Variants in IREB2 observed in about 807,000 individuals in gnomAD.
IREB2 encodes the protein iron-responsive element-binding protein 2.
IREB2 carries 39 observed loss-of-function variants against 118.8 expected under a neutral mutation model. That is an observed-to-expected ratio of 0.33 (90% CI 0.25 to 0.43). IREB2 has a LOEUF of 0.43. IREB2 is among the 20% of genes least tolerant of loss of function. The pLI is 1.00. For synonymous variants in IREB2, 372 were observed against 392.2 expected (o/e 0.95, Z 0.61); for missense variants, 900 against 1,147.3 (o/e 0.78, Z 3.11).
chr15:78,444,391 G>A (rs1466029056), intron 2 of IREB2, among the ~76,000 whole-genome samples: 1 of 152,180 alleles, frequency 6.6e-6, no homozygotes, highest in Non-Finnish European at 1.5e-5. Flanking sequence ...TGGAGTGAAA[G>A]GTAGTTTTGA....
At chr15:78,440,845 TTCTC>T (rs1434750467) in intron 2 of IREB2, among the ~76,000 whole-genome samples, 1 of 152,214 alleles carries the variant, frequency 6.6e-6, no homozygotes, top group Non-Finnish European at 1.5e-5. Flanking sequence ...GGTCAAACCT[TTCTC>T]TGTGGTCTCA....
At chr15:78,494,373 C>A in intron 20 of IREB2, 109 bp downstream of exon 20, 1 of 1,116,348 alleles carries the variant, frequency 9.0e-7, no homozygotes, top group Non-Finnish European at 1.3e-6. Context: ...GTTATTTGAA[C>A]CTTATAGGTA....
At chr15:78,493,686 T>A (rs1292630503) in intron 18 of IREB2, among the ~76,000 whole-genome samples, 1 of 152,154 alleles carries the variant, frequency 6.6e-6, no homozygotes, top group Non-Finnish European at 1.5e-5. Context: ...GTTAAAATTA[T>A]CTCAGTTTTG....
intron 2 of IREB2, among the ~76,000 whole-genome samples, chr15:78,462,040 C>T (rs2051205927): frequency 6.6e-6 from 1 of 151,966 alleles, no homozygotes; most frequent in African/African-American, 2.4e-5. Flanking sequence ...AATTATATTT[C>T]TCATAATACA....
intron 2 of IREB2, among the ~76,000 whole-genome samples, chr15:78,449,191 G>A (rs577931585): frequency 1.3e-5 from 2 of 152,126 alleles, no homozygotes; most frequent in African/African-American, 4.8e-5. Context: ...CTGTTTCCCG[G>A]TTTAGTAATG....
rs28613880 is a variant in IREB2, at chr15:78,445,319, G to C, written c.106+5438G>C. On this transcript the variant is annotated intron_variant, in intron 2 of 21. Transcript: ENST00000258886. ...CACCCTGCTGATTTTTGTATTTTTA[G>C]TAGAGACAGGGTTTCGCCATGCTGG... 1.9e-3 allele frequency among the ~76,000 whole-genome samples: 286 copies of C among 152,138 alleles called. 2 individuals are homozygous for C. The highest frequency in any genetic ancestry group is 6.6e-3 in the African/African-American group (274 of 41,522).
At chr15:78,448,251 T>G (rs1034879383) in intron 2 of IREB2, among the ~76,000 whole-genome samples, 2 of 151,982 alleles carry the variant, frequency 1.3e-5, no homozygotes, top group African/African-American at 4.8e-5. Flanking sequence ...TTGAAGTGAT[T>G]CTCGTGCCTC....
In IREB2 at chr15:78,492,607, GGGCTGAAA is replaced by G. The variant is rs555432325; in HGVS notation, c.2325-1298_2325-1291del. ...TAGAGACAGGGTCTCACTCTTGCCT[GGGCTGAAA>G]GGCAGTGGCACTTGGCCCTCTGCTG... On this transcript the variant is annotated intron_variant, in intron 18 of 21. Coordinates refer to ENST00000258886, the MANE Select transcript of IREB2 (RefSeq NM_004136.4). 8.1e-4 allele frequency among the ~76,000 whole-genome samples: 123 copies of G among 152,092 alleles called. 1 individual carries two copies. The highest frequency in any genetic ancestry group is 1.3e-3 in the Non-Finnish European group (90 of 68,016).
At chr15:78,478,816 C>G (rs1305493579) in intron 10 of IREB2, among the ~76,000 whole-genome samples, 1 of 152,066 alleles carries the variant, frequency 6.6e-6, no homozygotes, top group Non-Finnish European at 1.5e-5. Context: ...TTTAGCCTTT[C>G]TGCCTCAGTT....
chr15:78,447,950 T>A (rs990870280), intron 2 of IREB2, among the ~76,000 whole-genome samples: 1 of 152,222 alleles, frequency 6.6e-6, no homozygotes, highest in African/African-American at 2.4e-5. Flanking sequence ...AGGTCCCAGC[T>A]ATTCATGCCA....
At chr15:78,440,273 C>G (rs2050825192) in intron 2 of IREB2, among the ~76,000 whole-genome samples, 1 of 152,120 alleles carries the variant, frequency 6.6e-6, no homozygotes, top group Admixed American at 6.5e-5. Flanking sequence ...CACATGTAAG[C>G]TACTGCGCCT....
intron 9 of IREB2, among the ~76,000 whole-genome samples, chr15:78,477,451 T>C (rs2051490688): frequency 6.6e-6 from 1 of 152,200 alleles, no homozygotes; most frequent in Non-Finnish European, 1.5e-5. Context: ...AGCTGAGGAC[T>C]TAGGTAAGTC....
chr15:78,473,873 GTTGA>G, intron 8 of IREB2: 1 of 152,250 alleles, frequency 6.6e-6, no homozygotes, highest in East Asian at 1.9e-4. Flanking sequence ...TTTAGCAAAA[GTTGA>G]TTGTGTCGTC....
chr15:78,483,245 G>T, intron 10 of IREB2, 73 bp from the exon 11 acceptor site: 2 of 727,998 alleles, frequency 2.7e-6, no homozygotes, highest in Non-Finnish European at 4.9e-6. Flanking sequence ...GCTTTAGAAA[G>T]TAATGCTTCA....
intron 2 of IREB2, among the ~76,000 whole-genome samples, chr15:78,458,259 T>C (rs1240143924): frequency 6.6e-6 from 1 of 152,102 alleles, no homozygotes; most frequent in Non-Finnish European, 1.5e-5. Flanking sequence ...TACACAACAC[T>C]AAGAGTGAAC....
chr15:78,488,941 TG>T (rs760225695), intron 16 of IREB2, among the ~76,000 whole-genome samples, 170 bp downstream of exon 16: 10 of 152,172 alleles, frequency 6.6e-5, no homozygotes, highest in Non-Finnish European at 1.0e-4. Flanking sequence ...AAATGGCGGC[TG>T]GGCACAGTGG....
Position 78,471,813 on chromosome 15 carries a change from G to A in IREB2, c.772G>A (p.Glu258Lys), listed in dbSNP as rs779875575. 6.2e-7 allele frequency: 1 copy of A among 1,613,672 alleles called. No individual in the cohort carries two copies. Among genetic ancestry groups the A allele is most frequent in the Non-Finnish European group, 8.5e-7 (1 of 1,179,746 alleles). Residue 258 changes from glutamate (E) to lysine (K), a missense_variant, in exon 7 of 22, where the codon GAA (glutamate) becomes AAA (lysine). Coordinates refer to ENST00000258886, the MANE Select transcript of IREB2 (RefSeq NM_004136.4). ...TGGAATGGCTCATCAAATAAACTTA[G>A]AATATTTGTCAAGAGTGGTTTTTGA... ...GTGMAHQINL[E>K]YLSRVVFEEK...
At chr15:78,484,678 G>A (rs766266767) in intron 11 of IREB2, 83 bp from the exon 12 acceptor site, 20 of 890,118 alleles carry the variant, frequency 2.2e-5, no homozygotes, top group South Asian at 3.7e-5. Flanking sequence ...TCAAATGTCC[G>A]GTATCTGCTA....
At chr15:78,484,075 C>A (rs1003723809) in intron 11 of IREB2, among the ~76,000 whole-genome samples, 2 of 151,946 alleles carry the variant, frequency 1.3e-5, no homozygotes, top group Non-Finnish European at 2.9e-5. Flanking sequence ...CATGAGCCAC[C>A]GCACCTGGCC....
Sources: allele counts gnomAD v4.1 joint callset (sites outside exome capture counted in the v4.1 genomes callset), GRCh38; gene constraint gnomAD v4.1.1; transcripts MANE v1.5; gene names NCBI Gene and HGNC (gene_info 2026-07-23, HGNC 2026-07-21).